The following RIT2 variants were observed in gnomAD, a reference collection of about 807,000 sequenced individuals.
RIT2 encodes GTP-binding protein Rit2.
In RIT2, 24 loss-of-function variants were observed where a neutral mutation model predicts 23.7. That is an observed-to-expected ratio of 1.01 (90% CI 0.73 to 1.43). RIT2 has a LOEUF of 1.43. Among genes scored for constraint, RIT2 ranks in the 40% most tolerant of loss-of-function variants. The pLI is 0.00. For missense variants in RIT2, 236 were observed against 266.9 expected (o/e 0.88, Z 0.81); for synonymous variants, 107 against 91.1 (o/e 1.17, Z -0.99).
intron 1 of RIT2, among the ~76,000 whole-genome samples, chr18:43,044,845 G>C (rs1912209392): frequency 6.6e-6 from 1 of 152,008 alleles, no homozygotes; most frequent in African/African-American, 2.4e-5. Context: ...TTACTTTCTT[G>C]ACATTTCCCC....
At chr18:43,013,721 C>A (rs575523138) in intron 2 of RIT2, among the ~76,000 whole-genome samples, 86 of 151,750 alleles carry the variant, frequency 5.7e-4, no homozygotes, top group Middle Eastern at 3.4e-3. Flanking sequence ...TGCATTAACT[C>A]GCTGCAATTT....
chr18:42,845,539 A>G (rs601707), intron 4 of RIT2, among the ~76,000 whole-genome samples: 3,520 of 150,714 alleles, frequency 0.023, 153 homozygotes, highest in African/African-American at 0.081. Flanking sequence ...ATTGCGCCCA[A>G]TAACTGTAGA....
intron 4 of RIT2, among the ~76,000 whole-genome samples, chr18:42,840,079 G>GT (rs1254957786): frequency 3.3e-5 from 5 of 152,284 alleles, no homozygotes; most frequent in Middle Eastern, 3.4e-3. Flanking sequence ...TCCCATTCAG[G>GT]TTAGCCCACC....
chr18:43,109,848 C>T (rs1266041968), intron 1 of RIT2, among the ~76,000 whole-genome samples: 2 of 152,134 alleles, frequency 1.3e-5, no homozygotes, highest in Admixed American at 6.6e-5. Flanking sequence ...CAACATTTCA[C>T]CAAATAATTC....
chr18:43,053,209 A>G (rs1205695631), intron 1 of RIT2, among the ~76,000 whole-genome samples: 2 of 152,054 alleles, frequency 1.3e-5, no homozygotes, highest in Admixed American at 6.6e-5. Context: ...AGTAATTTAC[A>G]TACTTACTAG....
At chr18:42,809,123 T>C (rs541395531) in intron 4 of RIT2, among the ~76,000 whole-genome samples, 30 of 152,210 alleles carry the variant, frequency 2.0e-4, no homozygotes, top group African/African-American at 7.0e-4. Flanking sequence ...TTAATAGAAA[T>C]ATGAAATTCG....
At chr18:42,851,721 A>G (rs1323367134) in intron 4 of RIT2, among the ~76,000 whole-genome samples, 2 of 152,196 alleles carry the variant, frequency 1.3e-5, no homozygotes, top group South Asian at 4.1e-4. Context: ...GTGGTGGCAC[A>G]TGCGTATAGT....
rs143091741 is a variant in RIT2 at position 42,972,817 on chromosome 18, A to G, written c.234+1257T>C. On this transcript the variant is annotated intron_variant, in intron 3 of 4. Transcript: ENST00000326695. ...ATAAACAGGATGTGTATGTGAAACA[A>G]TGTCTACTTTTGTATTGACTGAAGT... Among the ~76,000 whole-genome samples the G allele has an allele frequency of 5.4e-3, 828 of 151,936 alleles. 17 individuals are homozygous for G. The highest frequency in any genetic ancestry group is 0.035 in the East Asian group (180 of 5,176).
intron 2 of RIT2, among the ~76,000 whole-genome samples, chr18:42,975,990 G>A (rs2144206812): frequency 6.6e-6 from 1 of 152,160 alleles, no homozygotes; most frequent in East Asian, 1.9e-4. Flanking sequence ...TTTCATGCAT[G>A]TGTGACTATT....
chr18:42,860,542 G>C (rs1042190449), intron 4 of RIT2, among the ~76,000 whole-genome samples: 1 of 152,158 alleles, frequency 6.6e-6, no homozygotes, highest in Non-Finnish European at 1.5e-5. Context: ...GTACTCTTCT[G>C]TTCCTTTAGA....
intron 4 of RIT2, among the ~76,000 whole-genome samples, chr18:42,922,680 G>A (rs1909081963): frequency 6.6e-6 from 1 of 152,130 alleles, no homozygotes; most frequent in Non-Finnish European, 1.5e-5. Flanking sequence ...CCAAGAAGTA[G>A]TGTCTGACCA....
chr18:42,770,576 T>C (rs78130023), intron 4 of RIT2, among the ~76,000 whole-genome samples: 2,305 of 152,288 alleles, frequency 0.015, 44 homozygotes, highest in African/African-American at 0.051. Flanking sequence ...ATTTACCAGA[T>C]ATGGAATAGC....
chr18:42,949,203 G>C (rs1460326100), intron 3 of RIT2, among the ~76,000 whole-genome samples: 6 of 152,076 alleles, frequency 3.9e-5, no homozygotes, highest in Non-Finnish European at 8.8e-5. Context: ...GTGTGCTGTG[G>C]GGTGCCCAGT....
At chr18:43,034,367 C>A (rs1402297449) in intron 1 of RIT2, among the ~76,000 whole-genome samples, 1 of 152,056 alleles carries the variant, frequency 6.6e-6, no homozygotes, top group Non-Finnish European at 1.5e-5. Context: ...AAAATTATTT[C>A]AGTTACTTTT....
intron 4 of RIT2, among the ~76,000 whole-genome samples, chr18:42,904,586 A>G (rs943656938): frequency 2.0e-5 from 3 of 152,156 alleles, no homozygotes; most frequent in Non-Finnish European, 4.4e-5. Flanking sequence ...CCCTAACTAC[A>G]TTAGTTCTGG....
intron 3 of RIT2, among the ~76,000 whole-genome samples, chr18:42,952,884 A>G (rs1181559930): frequency 6.6e-6 from 1 of 151,568 alleles, no homozygotes; most frequent in African/African-American, 2.4e-5. Flanking sequence ...TTGGGTAAAC[A>G]TTATCCTGCA....
At chr18:42,981,959 C>T (rs1302390902) in intron 2 of RIT2, among the ~76,000 whole-genome samples, 1 of 152,030 alleles carries the variant, frequency 6.6e-6, no homozygotes, top group Admixed American at 6.6e-5. Context: ...AATTGCAGTC[C>T]ACGGAAACAC....
intron 2 of RIT2, among the ~76,000 whole-genome samples, chr18:42,991,635 A>G (rs1452789352): frequency 6.9e-6 from 1 of 144,010 alleles, no homozygotes; most frequent in Non-Finnish European, 1.6e-5. Flanking sequence ...GCCTTAACTG[A>G]TGACATTCCA....
At chr18:42,948,592 T>C (rs2144169037) in intron 3 of RIT2, among the ~76,000 whole-genome samples, 1 of 152,178 alleles carries the variant, frequency 6.6e-6, no homozygotes, top group Admixed American at 6.6e-5. Flanking sequence ...GAATGCAAAC[T>C]AGAGAACCTC....
Sources: gnomAD v4.1 joint callset for allele counts (sites outside exome capture counted in the v4.1 genomes callset) on GRCh38, gnomAD v4.1.1 for gene constraint, MANE v1.5 for transcripts, NCBI Gene and HGNC (gene_info 2026-07-23, HGNC 2026-07-21) for gene names.